VMP1: variants seen among roughly 807,000 people sequenced by gnomAD.
VMP1 encodes the protein ectopic P-granules autophagy protein 3 homolog.
Under a neutral mutation model 56.0 loss-of-function variants are expected in VMP1, and 11 were observed. That is an observed-to-expected ratio of 0.20 (90% CI 0.12 to 0.32). VMP1 has a LOEUF of 0.32. Ranked by LOEUF, VMP1 falls within the 10% of genes least tolerant of loss-of-function variation. The pLI is 1.00. For missense variants in VMP1, 296 were observed against 490.3 expected (o/e 0.60, Z 3.74); for synonymous variants, 149 against 165.0 (o/e 0.90, Z 0.74).
intron 1 of VMP1, among the ~76,000 whole-genome samples, chr17:59,726,491 G>T (rs145580686): frequency 6.6e-6 from 1 of 151,704 alleles, no homozygotes; most frequent in Non-Finnish European, 1.5e-5. Context: ...ACGGGGTTTC[G>T]CCATGTTGGC....
At chr17:59,759,904 T>G (rs1205193264) in intron 5 of VMP1, among the ~76,000 whole-genome samples, 3 of 39,056 alleles carry the variant, frequency 7.7e-5, no homozygotes, top group Non-Finnish European at 1.4e-4. Context: ...TTTTTTGGTG[T>G]TTTTTTTTTT....
At chr17:59,785,390 G>A (rs776316597) in intron 7 of VMP1, among the ~76,000 whole-genome samples, 1 of 151,958 alleles carries the variant, frequency 6.6e-6, no homozygotes, top group Non-Finnish European at 1.5e-5. Context: ...AAAGAATATC[G>A]GGGCCTGGCA....
At chr17:59,718,691 G>T (rs1457274512) in intron 1 of VMP1, among the ~76,000 whole-genome samples, 1 of 151,664 alleles carries the variant, frequency 6.6e-6, no homozygotes, top group African/African-American at 2.4e-5. Flanking sequence ...TTGTTTGTTT[G>T]TTTTGTTTCA....
intron 10 of VMP1, 40 bp downstream of exon 10, chr17:59,817,813 CTT>C: frequency 6.7e-7 from 1 of 1,484,736 alleles, no homozygotes; most frequent in Non-Finnish European, 9.3e-7. Flanking sequence ...TATAATTACT[CTT>C]TAAATGGGAG....
chr17:59,736,726 A>G (rs1423031336), intron 3 of VMP1, among the ~76,000 whole-genome samples: 7 of 151,562 alleles, frequency 4.6e-5, no homozygotes, highest in African/African-American at 1.7e-4. Flanking sequence ...CCTGGGTGAC[A>G]GAGCAAGACC....
intron 6 of VMP1, among the ~76,000 whole-genome samples, chr17:59,772,387 T>A (rs1182460554): frequency 6.6e-6 from 1 of 152,212 alleles, no homozygotes; most frequent in East Asian, 1.9e-4. Flanking sequence ...TGAATTTGAT[T>A]TGGTCCCTTG....
chr17:59,817,909 A>G, intron 10 of VMP1, 136 bp downstream of exon 10: 2 of 544,260 alleles, frequency 3.7e-6, no homozygotes, highest in Non-Finnish European at 6.2e-6. Context: ...TGCTGTTATT[A>G]GTAAATGAAG....
intron 7 of VMP1, among the ~76,000 whole-genome samples, chr17:59,801,761 G>C (rs2037674367): frequency 6.6e-6 from 1 of 151,962 alleles, no homozygotes; most frequent in African/African-American, 2.4e-5. Context: ...CAGATGTGGT[G>C]GCAGGTGCCT....
At chr17:59,815,855 C>CAAAAA (rs71145576) in intron 9 of VMP1, among the ~76,000 whole-genome samples, 13 of 106,364 alleles carry the variant, frequency 1.2e-4, no homozygotes, top group Non-Finnish European at 1.5e-4. Context: ...GACTCCGTCT[C>CAAAAA]AAAAAAAAAA....
chr17:59,809,045 G>C (rs923182202), intron 8 of VMP1, among the ~76,000 whole-genome samples, 169 bp downstream of exon 8: 1 of 151,362 alleles, frequency 6.6e-6, no homozygotes, highest in African/African-American at 2.4e-5. Flanking sequence ...TGTCACCCAG[G>C]CTGGAGTGCA....
chr17:59,728,333 A>G (rs2034688031), intron 1 of VMP1, among the ~76,000 whole-genome samples: 1 of 152,218 alleles, frequency 6.6e-6, no homozygotes, highest in Non-Finnish European at 1.5e-5. Flanking sequence ...GCACATACAA[A>G]GTGTTCAGTT....
At chr17:59,730,034 C>T (rs2034766093) in intron 1 of VMP1, 1 of 151,990 alleles carries the variant, frequency 6.6e-6, no homozygotes, top group Non-Finnish European at 1.5e-5. Flanking sequence ...GATTGTATCT[C>T]ATTGTGGTTT....
intron 7 of VMP1, among the ~76,000 whole-genome samples, chr17:59,787,298 T>C (rs1414969358): frequency 6.6e-6 from 1 of 152,172 alleles, no homozygotes; most frequent in Non-Finnish European, 1.5e-5. Flanking sequence ...TTTGAACTCT[T>C]TTGCCACCTC....
chr17:59,713,895 G>T (rs2034038986), intron 1 of VMP1, among the ~76,000 whole-genome samples: 1 of 151,272 alleles, frequency 6.6e-6, no homozygotes, highest in East Asian at 1.9e-4. Flanking sequence ...ACAAAAATTA[G>T]CTGGGCGTGG....
At chr17:59,779,455 G>A (rs2036743046) in intron 7 of VMP1, among the ~76,000 whole-genome samples, 1 of 152,168 alleles carries the variant, frequency 6.6e-6, no homozygotes, top group Admixed American at 6.5e-5. Context: ...CAGTTCTGCT[G>A]AAGAGCTCTT....
intron 6 of VMP1, among the ~76,000 whole-genome samples, chr17:59,772,950 CTTTTTTTTTTTTTTTT>C (rs1179269248): frequency 1.4e-4 from 8 of 55,718 alleles, no homozygotes; most frequent in South Asian, 7.7e-4. Context: ...CTGGTGAATT[CTTTTTTTTTTTTTTTT>C]TTTTTTTTTT....
At chr17:59,758,476 G>A (rs2143950032) in intron 5 of VMP1, among the ~76,000 whole-genome samples, 1 of 151,958 alleles carries the variant, frequency 6.6e-6, no homozygotes, top group Middle Eastern at 3.4e-3. Context: ...CCCTTGAACT[G>A]AGTTTGAGAC....
intron 1 of VMP1, among the ~76,000 whole-genome samples, chr17:59,718,383 A>G (rs2034257289): frequency 6.6e-6 from 1 of 150,970 alleles, no homozygotes; most frequent in Non-Finnish European, 1.5e-5. Flanking sequence ...CTTTTAGTAG[A>G]GATGGGGTTT....
chr17:59,775,284 G>A (rs1010173662), intron 7 of VMP1, among the ~76,000 whole-genome samples: 6 of 151,534 alleles, frequency 4.0e-5, no homozygotes, highest in Admixed American at 6.6e-5. Flanking sequence ...GCCTAGTGGC[G>A]TATGCTTGTA....
Sources: gnomAD v4.1 joint callset for allele counts (sites outside exome capture counted in the v4.1 genomes callset) on GRCh38, gnomAD v4.1.1 for gene constraint, MANE v1.5 for transcripts, NCBI Gene and HGNC (gene_info 2026-07-23, HGNC 2026-07-21) for gene names.